The following NPAS4 variants were observed in gnomAD, a reference collection of about 807,000 sequenced individuals.
NPAS4 encodes neuronal PAS domain-containing protein 4.
Under a neutral mutation model 64.0 loss-of-function variants are expected in NPAS4, and 10 were observed. That is an observed-to-expected ratio of 0.16 (90% CI 0.10 to 0.26). The LOEUF is 0.26. Ranked by LOEUF, NPAS4 falls within the 10% of genes least tolerant of loss-of-function variation. NPAS4 has a pLI of 1.00. For synonymous variants in NPAS4, 441 were observed against 411.7 expected, an observed-to-expected ratio of 1.07 and a Z score of -0.86; for missense variants, 886 against 992.6, an observed-to-expected ratio of 0.89 and a Z score of 1.44.
rs1162737415 is a variant in NPAS4 at position 66,425,275 on chromosome 11, G to A, written c.2380+5G>A. On this transcript the variant is annotated splice_donor_5th_base_variant and intron_variant, in intron 7 of 7. Coordinates refer to ENST00000311034, the MANE Select transcript of NPAS4 (RefSeq NM_178864.4). ...TTCAAGACAGCTTCCATGAAGGTGA[G>A]TCAGCCAAAAGGTCCAAGAACTCAA... is the stretch of plus-strand genomic sequence containing the variant. 1 of 1,491,576 alleles carries A rather than the reference G, an allele frequency of 6.7e-7. No individual in the cohort carries two copies. Among genetic ancestry groups the A allele is most frequent in the Non-Finnish European group, 8.9e-7 (1 of 1,119,226 alleles). The allele number at this position is 1,491,576 out of a possible 1,614,324, so 92.4% of individuals were successfully genotyped here.
intron 1 of NPAS4, among the ~76,000 whole-genome samples, chr11:66,421,818 G>C (rs1456466125): frequency 6.6e-6 from 1 of 152,242 alleles, no homozygotes; most frequent in Non-Finnish European, 1.5e-5. Flanking sequence ...TGAACCCACA[G>C]TCGGCTTCGG....
At chr11:66,414,120 C>T in the NPAS4 span, among the ~76,000 whole-genome samples, 11 of 152,046 alleles carry the variant, frequency 7.2e-5, no homozygotes, top group Non-Finnish European at 1.3e-4. Context: ...AGTGCGGTGA[C>T]GAGGAAGCAC....
chr11:66,414,242 A>G, the NPAS4 span, among the ~76,000 whole-genome samples: 1 of 152,108 alleles, frequency 6.6e-6, no homozygotes, highest in Non-Finnish European at 1.5e-5. Context: ...AATGTGAGGA[A>G]AATCCGCCTC....
At chr11:66,412,268 T>C in the NPAS4 span, among the ~76,000 whole-genome samples, 5 of 152,246 alleles carry the variant, frequency 3.3e-5, no homozygotes, top group Non-Finnish European at 7.3e-5. Flanking sequence ...GCCCGGGACC[T>C]CCGTCTCTGG....
rs1230423971 is a variant in NPAS4, at chr11:66,424,870, G to A, written c.1980G>A (p.Glu660=). The part of the protein sequence containing the change: ...FSAEAGTGGL[E]PLGGLEPLDS... ...CTGAGGCTGGCACTGGCGGACTAGA[G>A]CCACTTGGAGGACTGGAGCCCCTGG... Residue 660 remains glutamate (E), a synonymous_variant, in exon 7 of 8, where the codon GAG becomes GAA. Coordinates refer to ENST00000311034, the MANE Select transcript of NPAS4 (RefSeq NM_178864.4). 1 of 1,612,948 alleles carries A rather than the reference G, an allele frequency of 6.2e-7. No homozygotes were observed. Among genetic ancestry groups the A allele is most frequent in the Non-Finnish European group, 8.5e-7 (1 of 1,179,592 alleles).
At position 66,422,517 on chromosome 11, in the gene NPAS4, C is replaced by A; in HGVS notation, c.394C>A (p.Arg132Ser). 6.2e-7 allele frequency: 1 copy of A among 1,613,982 alleles called. No homozygotes were observed. Among genetic ancestry groups the A allele is most frequent in the Non-Finnish European group, 8.5e-7 (1 of 1,179,886 alleles). ...IIDPADHLTV[R>S]QQLTLPSALD... ...TGACCCAGCTGACCACCTCACTGTG[C>A]GCCAGCAACTCACCCTGCCCTCTGC... is the stretch of plus-strand genomic sequence containing the variant. Residue 132 changes from arginine (R) to serine (S), a missense_variant, in exon 3 of 8, where the codon CGC becomes AGC. By Grantham distance (110) the Arg-to-Ser change is moderately radical (BLOSUM62 -1). This residue lies in a region of NPAS4 where 820 missense variants were observed against 855.5 expected (regional missense o/e 0.96). Coordinates refer to ENST00000311034, the MANE Select transcript of NPAS4 (RefSeq NM_178864.4).
chr11:66,424,226 A>G lies in NPAS4; in HGVS notation c.1336A>G (p.Thr446Ala), dbSNP rs1856802494. Residue 446 changes from threonine to alanine, a missense_variant, in exon 7 of 8, where the codon ACC becomes GCC. Around this residue, in one of 3 missense-constraint regions of NPAS4, gnomAD observed 820 missense variants for 855.5 expected, o/e 0.96. Transcript: ENST00000311034. ...CTTCAGCCTCCATGAGCCCTTCCAG[A>G]CCCATTTGCCCACCCCATCCAGCAC... The part of the protein sequence containing the change: ...FLFSLHEPFQ[T>A]HLPTPSSTLQ... The G allele has an allele frequency of 1.2e-6, 2 of 1,613,784 alleles. No homozygotes were observed. Among genetic ancestry groups the G allele is most frequent in the African/African-American group, 2.7e-5 (2 of 74,858 alleles).
chr11:66,418,023 G>A (rs1379245322), upstream of NPAS4, among the ~76,000 whole-genome samples: 3 of 152,040 alleles, frequency 2.0e-5, no homozygotes, highest in Non-Finnish European at 4.4e-5. Flanking sequence ...CACACACAGA[G>A]TCTGGCTCTT....
rs758820609 is a variant in NPAS4, at chr11:66,424,949, A to G, written c.2059A>G (p.Lys687Glu). 6.2e-7 allele frequency: 1 copy of G among 1,614,120 alleles called. No individual in the cohort carries two copies. The highest frequency in any genetic ancestry group is 8.5e-7 in the Non-Finnish European group (1 of 1,180,008). Residue 687 changes from lysine (K) to glutamate (E), a missense_variant, in exon 7 of 8, where the codon AAA becomes GAA. Transcript: ENST00000311034. ...CCCCCCTGTGCTCAGCCTGGACCTG[A>G]AACCCTGGAAATGCCAGGAGCTGGA... ...AGPPVLSLDL[K>E]PWKCQELDFL...
intron 1 of NPAS4, 32 bp downstream of exon 1, chr11:66,421,386 C>G (rs1228549977): frequency 6.2e-7 from 1 of 1,604,850 alleles, no homozygotes; most frequent in South Asian, 1.1e-5. Context: ...CAGATCCGAG[C>G]TGCCAGGCGC....
upstream of NPAS4, among the ~76,000 whole-genome samples, chr11:66,419,707 G>A (rs1314960944): frequency 1.3e-5 from 2 of 152,078 alleles, no homozygotes; most frequent in Admixed American, 1.3e-4. Context: ...TGGGGGGGTG[G>A]GGATAGGGCA....
chr11:66,414,531 G>A, the NPAS4 span, among the ~76,000 whole-genome samples: 13 of 152,116 alleles, frequency 8.5e-5, no homozygotes, highest in African/African-American at 2.9e-4. Flanking sequence ...AGCTCTGGCC[G>A]TCTCAATGCG....
chr11:66,423,428 G>T, intron 5 of NPAS4, 150 bp from the exon 6 acceptor site: 1 of 933,466 alleles, frequency 1.1e-6, no homozygotes, highest in African/African-American at 1.6e-5. Context: ...TGAGTGGTGA[G>T]GTCAAGGTAG....
chr11:66,425,279 G>A lies in NPAS4; in HGVS notation c.2380+9G>A. 4.1e-6 allele frequency: 6 copies of A among 1,480,296 alleles called. No homozygotes were observed. The highest frequency in any genetic ancestry group is 5.4e-6 in the Non-Finnish European group (6 of 1,109,554). 91.7% of individuals were successfully genotyped at this position (1,480,296 alleles called of 1,614,324 possible). On this transcript the variant is annotated intron_variant, in intron 7 of 7. Coordinates refer to ENST00000311034, the MANE Select transcript of NPAS4 (RefSeq NM_178864.4). ...AGACAGCTTCCATGAAGGTGAGTCA[G>A]CCAAAAGGTCCAAGAACTCAAGTCC...
intron 5 of NPAS4, 106 bp from the exon 6 acceptor site, chr11:66,423,472 G>T: frequency 7.3e-7 from 1 of 1,361,074 alleles, no homozygotes; most frequent in Non-Finnish European, 1.0e-6. Flanking sequence ...GTAGTCAGAA[G>T]AGAGGATGTC....
In NPAS4 at chr11:66,426,285, C is replaced by T. The variant is rs1484845130; in HGVS notation, c.*296C>T. ...GAATGGGGGAGTCTCACTTCCCCGC[C>T]GCCTTGCCCCATTGGCCTGGGCCAG... is the stretch of plus-strand genomic sequence containing the variant. On this transcript the variant is annotated 3_prime_UTR_variant, in exon 8 of 8. Coordinates refer to ENST00000311034, the MANE Select transcript of NPAS4 (RefSeq NM_178864.4). The T allele has an allele frequency of 1.9e-5, 7 of 360,794 alleles. No homozygotes were observed. The highest frequency in any genetic ancestry group is 1.2e-4 in the Admixed American group (3 of 24,424). The allele number at this position is 360,794 out of a possible 1,614,324, so 22.3% of individuals were successfully genotyped here. A position where few individuals can be genotyped will look rare whatever the true frequency, so the allele number is the denominator to read the frequency against.
chr11:66,425,355 C>G, intron 7 of NPAS4, 85 bp downstream of exon 7: 1 of 693,604 alleles, frequency 1.4e-6, no homozygotes, highest in South Asian at 2.5e-5. Flanking sequence ...AATTCCCCCT[C>G]TCTGTACATT....
In NPAS4 at chr11:66,424,497, C is replaced by T. The variant is rs1856808439; in HGVS notation, c.1607C>T (p.Thr536Ile). Residue 536 changes from threonine to isoleucine, a missense_variant, in exon 7 of 8, where the codon ACA (threonine) becomes ATA (isoleucine). This residue lies in a region of NPAS4 where 820 missense variants were observed against 855.5 expected (regional missense o/e 0.96). Coordinates refer to ENST00000311034, the MANE Select transcript of NPAS4 (RefSeq NM_178864.4). Reference sequence around the variant, plus strand: ...CATGAACAGCTGACTCCTCCCAGCACAGCATTCCAAGCACACCTGGACAGC... The same window carrying T: ...CATGAACAGCTGACTCCTCCCAGCATAGCATTCCAAGCACACCTGGACAGC... The part of the protein sequence containing the change: ...PAHEQLTPPS[T>I]AFQAHLDSPS... The T allele has an allele frequency of 6.2e-7, 1 of 1,614,180 alleles. No individual in the cohort carries two copies. The highest frequency in any genetic ancestry group is 2.2e-5 in the East Asian group (1 of 44,872).
chr11:66,421,439 G>T, intron 1 of NPAS4, 85 bp downstream of exon 1: 2 of 1,244,162 alleles, frequency 1.6e-6, no homozygotes, highest in Non-Finnish European at 2.3e-6. Flanking sequence ...GCTGTCGCAT[G>T]TCTAGGGCAG....
Sources: gnomAD v4.1 joint callset for allele counts (sites outside exome capture counted in the v4.1 genomes callset) on GRCh38, gnomAD v4.1.1 for gene constraint, gnomAD v4.1.1 regional missense constraint, MANE v1.5 for transcripts, NCBI Gene and HGNC (gene_info 2026-07-23, HGNC 2026-07-21) for gene names.